Variants in RNF150 observed in about 807,000 individuals in gnomAD.
RNF150 encodes the protein ring finger protein 150.
In RNF150, 24 loss-of-function variants were observed where a neutral mutation model predicts 39.3. The ratio of observed to expected loss-of-function variants is 0.61; its 90% confidence interval spans 0.44 to 0.86. The LOEUF is 0.86. RNF150 is among the 40% of genes least tolerant of loss of function. The pLI, the probability that RNF150 is intolerant of heterozygous loss-of-function variation, is 0.00. For missense variants in RNF150, 502 were observed against 587.8 expected (o/e 0.85, Z 1.51); for synonymous variants, 255 against 227.3 (o/e 1.12, Z -1.10).
chr4:141,116,753 A>G (rs1739560982), intron 1 of RNF150, among the ~76,000 whole-genome samples: 1 of 152,236 alleles, frequency 6.6e-6, no homozygotes, highest in Admixed American at 6.5e-5. Context: ...ATGTCTATCA[A>G]TGATAGACTG....
chr4:141,022,348 A>G (rs1316832754), intron 1 of RNF150, among the ~76,000 whole-genome samples: 3 of 152,150 alleles, frequency 2.0e-5, no homozygotes, highest in Middle Eastern at 3.2e-3. Flanking sequence ...AAAAGAACAT[A>G]TGGACTTTGT....
chr4:141,122,227 G>C (rs1007127656), intron 1 of RNF150, among the ~76,000 whole-genome samples: 2 of 152,208 alleles, frequency 1.3e-5, no homozygotes, highest in Non-Finnish European at 2.9e-5. Context: ...CCCAGACACA[G>C]AGGAGTGTAA....
chr4:141,144,795 T>C (rs1004664090), intron 1 of RNF150, among the ~76,000 whole-genome samples: 6 of 152,180 alleles, frequency 3.9e-5, no homozygotes, highest in African/African-American at 1.4e-4. Flanking sequence ...GGGACTTTAG[T>C]TATATTTCCT....
chr4:141,096,989 C>A (rs565861770), intron 1 of RNF150, among the ~76,000 whole-genome samples: 1 of 152,298 alleles, frequency 6.6e-6, no homozygotes, highest in South Asian at 2.1e-4. Context: ...AATGCTCTTT[C>A]CAGGTCTGAA....
At chr4:141,087,103 G>A (rs1738395174) in intron 1 of RNF150, among the ~76,000 whole-genome samples, 1 of 152,102 alleles carries the variant, frequency 6.6e-6, no homozygotes, top group African/African-American at 2.4e-5. Flanking sequence ...TAAGCTCAGT[G>A]CTCAATAGTT....
chr4:141,051,275 ACCTCTGACATGC>A (rs1736768162), intron 1 of RNF150, among the ~76,000 whole-genome samples: 1 of 152,054 alleles, frequency 6.6e-6, no homozygotes, highest in African/African-American at 2.4e-5. Context: ...TGCCATGAAG[ACCTCTGACATGC>A]CCTGGAGACA....
intron 5 of RNF150, among the ~76,000 whole-genome samples, chr4:140,914,240 A>C (rs920425623): frequency 2.6e-5 from 4 of 152,214 alleles, no homozygotes; most frequent in African/African-American, 9.6e-5. Context: ...AAGCACAAAT[A>C]ATTTGGCTTA....
intron 1 of RNF150, among the ~76,000 whole-genome samples, chr4:141,159,752 C>T (rs147143018): frequency 1.1e-4 from 17 of 152,186 alleles, no homozygotes; most frequent in East Asian, 7.7e-4. Context: ...CATGTTTGCC[C>T]AGGCTGATCT....
At chr4:140,973,194 T>C (rs1302764406) in intron 1 of RNF150, among the ~76,000 whole-genome samples, 1 of 152,162 alleles carries the variant, frequency 6.6e-6, no homozygotes, top group African/African-American at 2.4e-5. Context: ...ATGTTGTCAA[T>C]TATACATCAG....
chr4:140,963,441 T>C (rs1292107481), intron 2 of RNF150, among the ~76,000 whole-genome samples: 1 of 152,058 alleles, frequency 6.6e-6, no homozygotes, highest in African/African-American at 2.4e-5. Context: ...GAAATATGGC[T>C]AGTAACTGAG....
At chr4:141,002,503 C>T (rs56370801) in intron 1 of RNF150, among the ~76,000 whole-genome samples, 11,549 of 152,262 alleles carry the variant, frequency 0.076, 493 homozygotes, top group Middle Eastern at 0.16. Context: ...CTCACTATTT[C>T]TGTCTTATGG....
chr4:140,919,285 C>T (rs1453640603), intron 5 of RNF150, among the ~76,000 whole-genome samples: 2 of 144,306 alleles, frequency 1.4e-5, no homozygotes, highest in Non-Finnish European at 3.0e-5. Context: ...ATCTAGAAAA[C>T]CCCACTGTCT....
intron 1 of RNF150, among the ~76,000 whole-genome samples, chr4:141,211,553 C>T (rs767827712): frequency 2.6e-5 from 4 of 152,036 alleles, no homozygotes; most frequent in Non-Finnish European, 4.4e-5. Context: ...TACTTTAATT[C>T]GTATTATGTT....
chr4:140,996,913 A>G (rs562097196), intron 1 of RNF150: 1 of 152,362 alleles, frequency 6.6e-6, no homozygotes, highest in East Asian at 1.9e-4. Context: ...GAAAGGAACT[A>G]GGAGAACATT....
At chr4:140,979,233 A>C (rs1337565007) in intron 1 of RNF150, among the ~76,000 whole-genome samples, 4 of 152,174 alleles carry the variant, frequency 2.6e-5, no homozygotes, top group Non-Finnish European at 5.9e-5. Context: ...TTCAAGGTTC[A>C]ACTGTACATG....
At chr4:141,181,758 A>G (rs1473552262) in intron 1 of RNF150, among the ~76,000 whole-genome samples, 2 of 152,212 alleles carry the variant, frequency 1.3e-5, no homozygotes, top group Non-Finnish European at 2.9e-5. Context: ...CACATATTTA[A>G]TGATGTGCTA....
chr4:141,032,692 G>T (rs988511546), intron 1 of RNF150, among the ~76,000 whole-genome samples: 4 of 151,778 alleles, frequency 2.6e-5, no homozygotes, highest in Non-Finnish European at 4.4e-5. Flanking sequence ...GGCAACACAG[G>T]CCTTTAAGGT....
At chr4:140,898,323 A>G (rs1334341929) in intron 6 of RNF150, among the ~76,000 whole-genome samples, 1 of 150,644 alleles carries the variant, frequency 6.6e-6, no homozygotes, top group African/African-American at 2.4e-5. Context: ...GGTAAGCTGC[A>G]ACTACAGTTT....
At chr4:141,011,089 T>A in intron 1 of RNF150, among the ~76,000 whole-genome samples, 1 of 152,052 alleles carries the variant, frequency 6.6e-6, no homozygotes. Context: ...TAAACAAAAT[T>A]TTCGTATTAC....
Sources: allele counts gnomAD v4.1 joint callset (sites outside exome capture counted in the v4.1 genomes callset), GRCh38; gene constraint gnomAD v4.1.1; transcripts MANE v1.5; gene names NCBI Gene and HGNC (gene_info 2026-07-23, HGNC 2026-07-21).